The following FHIP2B variants were observed in gnomAD, a reference collection of about 807,000 sequenced individuals.
FHIP2B encodes FHF complex subunit HOOK-interacting protein 2B.
FHIP2B carries 72 observed loss-of-function variants against 84.0 expected under a neutral mutation model. The observed-to-expected ratio is 0.86, with a 90% CI of 0.71 to 1.04. FHIP2B has a LOEUF of 1.04. FHIP2B is among the 50% of genes least tolerant of loss of function. FHIP2B has a pLI of 0.00. For missense variants in FHIP2B, 972 were observed against 968.9 expected (o/e 1.00, Z -0.04); for synonymous variants, 497 against 418.7 (o/e 1.19, Z -2.28).
At chr8:22,094,270 G>A (rs965819627) in intron 1 of FHIP2B, among the ~76,000 whole-genome samples, 170 bp from the exon 2 acceptor site, 2 of 152,170 alleles carry the variant, frequency 1.3e-5, no homozygotes, top group African/African-American at 4.8e-5. Flanking sequence ...CAAGATGACA[G>A]TGTGTCCTGG....
At chr8:22,094,588 C>A in intron 2 of FHIP2B, 70 bp downstream of exon 2, 1 of 1,596,452 alleles carries the variant, frequency 6.3e-7, no homozygotes, top group Non-Finnish European at 8.5e-7. Context: ...CAGAGTGTCA[C>A]CATTCAGGTG....
rs1825785265 is a variant in FHIP2B, at chr8:22,096,602, A to G, written c.297+93A>G. On this transcript the variant is annotated intron_variant, in intron 3 of 16. Transcript: ENST00000289921. ...GTGGGAGGCCTCTGTGCGCTGGGCCAGGCCGAGGTGGGAGACCCTCTGAGT... is the reference window on the plus strand; with the variant it reads ...GTGGGAGGCCTCTGTGCGCTGGGCCGGGCCGAGGTGGGAGACCCTCTGAGT... 2.1e-6 allele frequency: 3 copies of G among 1,401,780 alleles called. No homozygotes were observed. The South Asian group carries it at 4.9e-5, about 23-fold the overall frequency. The allele number at this position is 1,401,780 out of a possible 1,614,324, so 86.8% of individuals were successfully genotyped here. A position where few individuals can be genotyped will look rare whatever the true frequency, so the allele number is the denominator to read the frequency against.
intron 1 of FHIP2B, chr8:22,089,713 C>T (rs766676196): frequency 8.2e-7 from 1 of 1,213,696 alleles, no homozygotes; most frequent in South Asian, 1.3e-5. Context: ...ACCGCCTCGC[C>T]TGGGCTTGAA....
rs781268519 is a variant in FHIP2B, at chr8:22,097,521, C to A, written c.303C>A (p.Pro101=). The change falls in exon 4 of 17, where the codon CCC becomes CCA. Residue 101 remains proline (P), a synonymous_variant. Transcript: ENST00000289921. ...TLCTLGKAEY[P]PGMRQQVFQF... ...CGCTCTGTCCCTGGCCTCAGTACCC[C>A]CCAGGCATGCGGCAGCAGGTGTTCC... The A allele has an allele frequency of 6.2e-7, 1 of 1,604,016 alleles. No homozygotes were observed. Among genetic ancestry groups the A allele is most frequent in the South Asian group, 1.1e-5 (1 of 89,096 alleles).
Position 22,094,498 on chromosome 8 carries a change from A to G in FHIP2B, c.104A>G (p.His35Arg), listed in dbSNP as rs1825661153. The change falls in exon 2 of 17, where the codon CAC (histidine) becomes CGC (arginine). Residue 35 changes from histidine (H) to arginine (R), a missense_variant. His to Arg is a conservative substitution (Grantham distance 29). Transcript: ENST00000289921. ...GTGGAGCACTGGAAGGGCATCACGC[A>G]CTACTACATCGAGAGCACAGGTGCG... Reference protein sequence around the residue: ...AFVEHWKGITHYYIESTDEST... With the variant: ...AFVEHWKGITRYYIESTDEST... The G allele has an allele frequency of 1.9e-6, 3 of 1,611,424 alleles. No individual in the cohort carries two copies. Among genetic ancestry groups the G allele is most frequent in the East Asian group, 4.5e-5 (2 of 44,528 alleles).
At position 22,089,227 on chromosome 8, in the gene FHIP2B, C is replaced by T; in HGVS notation, c.-27C>T. The stretch of plus-strand genomic sequence containing the variant: ...TAGAGCGCTGCCGCCGCCGCTTTCG[C>T]CCGGGAGCCGGGGGCCGGGCGCCAT... On this transcript the variant is annotated 5_prime_UTR_variant, in exon 1 of 17. Transcript: ENST00000289921. The T allele has an allele frequency of 9.4e-7, 1 of 1,061,130 alleles. No individual in the cohort carries two copies. Among genetic ancestry groups the T allele is most frequent in the Admixed American group, 5.5e-5 (1 of 18,250 alleles). The allele number at this position is 1,061,130 out of a possible 1,614,324, so 65.7% of individuals were successfully genotyped here.
chr8:22,096,297 C>G (rs1428853094), intron 2 of FHIP2B, 40 bp from the exon 3 acceptor site: 1 of 1,489,524 alleles, frequency 6.7e-7, no homozygotes, highest in Non-Finnish European at 9.0e-7. Context: ...CGGGGTGCCC[C>G]TCTTTACCCT....
At position 22,098,153 on chromosome 8, in the gene FHIP2B, G is replaced by C; in HGVS notation, c.611G>C (p.Cys204Ser). The stretch of plus-strand genomic sequence containing the variant: ...ACAACCAGCCACGGGGACAAGGACT[G>C]CTCCCACGATGGTGCTCCTGCCAGG... ...KDTTSHGDKD[C>S]SHDGAPARPQ... The change falls in exon 6 of 17, where the codon TGC becomes TCC. Residue 204 changes from cysteine to serine, a missense_variant. Cys to Ser is a moderately radical substitution (Grantham distance 112). Coordinates refer to ENST00000289921, the MANE Select transcript of FHIP2B (RefSeq NM_022749.7). The C allele has an allele frequency of 6.3e-7, 1 of 1,577,052 alleles. No homozygotes were observed.
chr8:22,099,572 C>A, intron 9 of FHIP2B, 132 bp from the exon 10 acceptor site: 2 of 1,175,836 alleles, frequency 1.7e-6, no homozygotes, highest in Non-Finnish European at 1.2e-6. Flanking sequence ...CCCTGCAGGA[C>A]CTCAGCAGGG....
chr8:22,098,837 C>A, intron 7 of FHIP2B, 111 bp from the exon 8 acceptor site: 1 of 1,038,796 alleles, frequency 9.6e-7, no homozygotes, highest in Non-Finnish European at 1.4e-6. Flanking sequence ...AACTGATCCC[C>A]AGCCACAGAG....
At position 22,103,807 on chromosome 8, in the gene FHIP2B, C is replaced by T. The variant is rs1277011976; in HGVS notation, c.*876C>T. The T allele has an allele frequency of 2.6e-5, 4 of 152,512 alleles. No homozygotes were observed. The highest frequency in any genetic ancestry group is 3.9e-4 in the East Asian group (2 of 5,182). 9.4% of individuals were successfully genotyped at this position (152,512 alleles called of 1,614,324 possible). ...GCTCAGGGGACAGATAAGGGAAGGA[C>T]GCCCCCTGACTCCAGGCCCCTGAGC... On this transcript the variant is annotated 3_prime_UTR_variant, in exon 17 of 17. Coordinates refer to ENST00000289921, the MANE Select transcript of FHIP2B (RefSeq NM_022749.7).
chr8:22,102,395 G>A (rs1389659521), intron 15 of FHIP2B, 80 bp downstream of exon 15: 1 of 1,447,006 alleles, frequency 6.9e-7, no homozygotes, highest in South Asian at 1.3e-5. Context: ...CAGGTGGTTG[G>A]GGGCTGGAGG....
Position 22,100,724 on chromosome 8 carries a change from G to A in FHIP2B, c.1472G>A (p.Ser491Asn). ...YVAWGSPEPE[S>N]YEDTLDLEED... is the part of the protein sequence containing the mutation. ...GCCTGGGGCTCACCAGAGCCTGAGA[G>A]CTATGAGGACACCCTGTAAGTGAAA... Residue 491 changes from serine to asparagine, a missense_variant, in exon 11 of 17, where the codon AGC becomes AAC. Ser to Asn is a conservative substitution (Grantham distance 46). Transcript: ENST00000289921. 3.7e-6 allele frequency: 6 copies of A among 1,604,284 alleles called. No homozygotes were observed. The highest frequency in any genetic ancestry group is 5.1e-6 in the Non-Finnish European group (6 of 1,174,118).
chr8:22,100,202 G>A (rs1298011457), intron 10 of FHIP2B: 12 of 411,282 alleles, frequency 2.9e-5, no homozygotes, highest in Non-Finnish European at 5.1e-5. Flanking sequence ...CTAAAGTGCT[G>A]GGACTGCAGG....
chr8:22,089,490 C>G (rs1029114597), intron 1 of FHIP2B, among the ~76,000 whole-genome samples, 192 bp downstream of exon 1: 2 of 151,826 alleles, frequency 1.3e-5, no homozygotes, highest in Admixed American at 6.6e-5. Flanking sequence ...TTCCCAGTCC[C>G]GCTCCCAGAC....
rs1214798231 is a variant in FHIP2B, at chr8:22,098,065, C to T, written c.526-3C>T. On this transcript the variant is annotated splice_polypyrimidine_tract_variant and splice_region_variant and intron_variant, in intron 5 of 16. Coordinates refer to ENST00000289921, the MANE Select transcript of FHIP2B (RefSeq NM_022749.7). ...GTCTGGCCTCATCTCACCCTCTTTT[C>T]AGGGTAAAAAGATTGTAGGTAGGAA... The T allele has an allele frequency of 1.3e-6, 2 of 1,589,332 alleles. No homozygotes were observed. Among genetic ancestry groups the T allele is most frequent in the East Asian group, 2.3e-5 (1 of 43,712 alleles).
chr8:22,096,238 A>G, intron 2 of FHIP2B, 99 bp from the exon 3 acceptor site: 3 of 1,233,198 alleles, frequency 2.4e-6, no homozygotes, highest in Non-Finnish European at 3.3e-6. Context: ...TCTCCCAGAC[A>G]GGACCTCCCC....
At position 22,103,744 on chromosome 8, in the gene FHIP2B, A is replaced by C. The variant is rs1405467337; in HGVS notation, c.*813A>C. ...TTGCCCTCCCTTCTGCCCAGGGCCC[A>C]GTGTTCTTGATAGAAGACCCTTCTG... On this transcript the variant is annotated 3_prime_UTR_variant, in exon 17 of 17. Coordinates refer to ENST00000289921, the MANE Select transcript of FHIP2B (RefSeq NM_022749.7). 6.6e-6 allele frequency: 1 copy of C among 152,300 alleles called. No homozygotes were observed. Among genetic ancestry groups the C allele is most frequent in the African/African-American group, 2.4e-5 (1 of 41,430 alleles). 9.4% of individuals were successfully genotyped at this position (152,300 alleles called of 1,614,324 possible).
At chr8:22,099,600 G>A in intron 9 of FHIP2B, 104 bp from the exon 10 acceptor site, 3 of 1,355,460 alleles carry the variant, frequency 2.2e-6, no homozygotes, top group Non-Finnish European at 3.0e-6. Flanking sequence ...AGTGACCACA[G>A]ACATACCAGC....
Sources: gnomAD v4.1 joint callset for allele counts (sites outside exome capture counted in the v4.1 genomes callset) on GRCh38, gnomAD v4.1.1 for gene constraint, MANE v1.5 for transcripts, NCBI Gene and HGNC (gene_info 2026-07-23, HGNC 2026-07-21) for gene names.